The following MYOM1 variants were observed in gnomAD, a reference collection of about 807,000 sequenced individuals.
MYOM1 encodes myomesin-1.
Under a neutral mutation model 205.3 loss-of-function variants are expected in MYOM1, and 164 were observed. The ratio of observed to expected loss-of-function variants is 0.80; its 90% CI spans 0.70 to 0.91. The LOEUF (loss-of-function observed/expected upper bound fraction) is 0.91. Ranked by LOEUF, MYOM1 falls within the 40% of genes least tolerant of loss-of-function variation. The pLI, the probability that MYOM1 is intolerant of heterozygous loss-of-function variation, is 0.00. For synonymous variants in MYOM1, 772 were observed against 789.4 expected (o/e 0.98, Z 0.37); for missense variants, 2,011 against 2,127.3 (o/e 0.95, Z 1.08).
At chr18:3,150,248 G>C (rs1054306295) in intron 12 of MYOM1, among the ~76,000 whole-genome samples, 1 of 152,118 alleles carries the variant, frequency 6.6e-6, no homozygotes, top group Non-Finnish European at 1.5e-5. Flanking sequence ...TTTTAGTAGA[G>C]ACGGGGTTTC....
chr18:3,246,196 TGGCAG>T, the MYOM1 span: 1 of 152,216 alleles, frequency 6.6e-6, no homozygotes, highest in Non-Finnish European at 1.5e-5. Context: ...GCTCTCGTGG[TGGCAG>T]GCCACCACCC....
At position 3,100,307 on chromosome 18, in the gene MYOM1, A is replaced by G; in HGVS notation, c.3682+13T>C. The G allele has an allele frequency of 1.9e-6, 3 of 1,613,216 alleles. No individual in the cohort carries two copies. The highest frequency in any genetic ancestry group is 2.5e-6 in the Non-Finnish European group (3 of 1,179,208). On this transcript the variant is annotated intron_variant, in intron 24 of 37. Transcript: ENST00000356443. ...CAACATTCGATGTGTGAATGCACTGATTTTAAACTTACCTTCCTCATCTAT... is the reference window on the plus strand; with the variant it reads ...CAACATTCGATGTGTGAATGCACTGGTTTTAAACTTACCTTCCTCATCTAT...
intron 2 of MYOM1, among the ~76,000 whole-genome samples, chr18:3,214,721 G>A (rs1440189122): frequency 5.9e-5 from 9 of 152,244 alleles, no homozygotes; most frequent in African/African-American, 2.2e-4. Context: ...TACTCGGGAG[G>A]CGGAGGCAGG....
intron 5 of MYOM1, among the ~76,000 whole-genome samples, chr18:3,177,480 T>TTATTAC (rs1418303401): frequency 7.7e-6 from 1 of 129,844 alleles, no homozygotes; most frequent in Non-Finnish European, 1.7e-5. Flanking sequence ...ATTATTATTA[T>TTATTAC]TATTATTTGA....
Position 3,116,380 on chromosome 18 carries a change from T to G in MYOM1, c.3254A>C (p.Asp1085Ala). Residue 1085 changes from aspartate (D) to alanine (A), a missense_variant, in exon 21 of 38, where the codon GAC becomes GCC. By Grantham distance (126) the Asp-to-Ala change is moderately radical. Coordinates refer to ENST00000356443, the MANE Select transcript of MYOM1 (RefSeq NM_003803.4). Reference protein sequence around the residue: ...VDLKEAKAKEDQWRGLNEAAI... With the variant: ...VDLKEAKAKEAQWRGLNEAAI... ...CGCCTCATTGAGCCCTCGCCACTGG[T>G]CTTCTTTGGCCTTGGCCTCCTTCAA... 6.2e-7 allele frequency: 1 copy of G among 1,613,310 alleles called. No individual in the cohort carries two copies. Among genetic ancestry groups the G allele is most frequent in the Non-Finnish European group, 8.5e-7 (1 of 1,179,810 alleles).
chr18:3,102,473 C>T lies in MYOM1; in HGVS notation c.3575+1G>A, dbSNP rs1196995922. ...ATGATTGTGATTGACATAGTCCTTA[C>T]TTGTTGCCCTTGCTTTCGACTTCCA... On this transcript the variant is annotated splice_donor_variant, in intron 23 of 37. Transcript: ENST00000356443. LOFTEE classifies it high-confidence loss of function. 6.2e-7 allele frequency: 1 copy of T among 1,609,994 alleles called. No individual in the cohort carries two copies. The highest frequency in any genetic ancestry group is 8.5e-7 in the Non-Finnish European group (1 of 1,177,858).
intron 2 of MYOM1, among the ~76,000 whole-genome samples, chr18:3,201,651 C>CTT (rs1196638648): frequency 1.4e-5 from 2 of 141,674 alleles, no homozygotes; most frequent in African/African-American, 2.6e-5. Context: ...CTATTAAATT[C>CTT]TTTTTTTTTT....
intron 16 of MYOM1, among the ~76,000 whole-genome samples, chr18:3,134,258 G>C (rs1378454685): frequency 6.6e-6 from 1 of 152,080 alleles, no homozygotes; most frequent in Admixed American, 6.6e-5. Flanking sequence ...TACAGGCCTG[G>C]TCATTGTATC....
At position 3,200,718 on chromosome 18, in the gene MYOM1, A is replaced by C. The variant is rs909151072; in HGVS notation, c.291-6760T>G. Among the ~76,000 whole-genome samples, 5 of 152,162 alleles carry C rather than the reference A, an allele frequency of 3.3e-5. 1 individual carries two copies. The highest frequency in any genetic ancestry group is 1.2e-4 in the African/African-American group (5 of 41,456). ...GATAAAAGAATAAAGAAAAATTAAA[A>C]GAGCCTCAGAAACGTGTGAGACAAT... On this transcript the variant is annotated intron_variant, in intron 2 of 37. Transcript: ENST00000356443.
chr18:3,072,697 TG>T (rs2078974956), intron 36 of MYOM1, among the ~76,000 whole-genome samples: 2 of 151,380 alleles, frequency 1.3e-5, no homozygotes, highest in Non-Finnish European at 2.9e-5. Context: ...ATTGTGTGTG[TG>T]TGGGGGGCGG....
At chr18:3,226,566 C>T in the MYOM1 span, among the ~76,000 whole-genome samples, 6 of 152,178 alleles carry the variant, frequency 3.9e-5, no homozygotes, top group East Asian at 7.7e-4. The surrounding 1 kb of genome is among the most constrained non-coding windows in gnomAD (Gnocchi z 4.6). Flanking sequence ...CACGCGCACA[C>T]TTCCTCACTT....
At chr18:3,113,223 C>A (rs1405126932) in intron 21 of MYOM1, among the ~76,000 whole-genome samples, 2 of 148,712 alleles carry the variant, frequency 1.3e-5, no homozygotes, top group African/African-American at 5.0e-5. Context: ...TATATATACA[C>A]ACATGTATAT....
intron 19 of MYOM1, among the ~76,000 whole-genome samples, chr18:3,121,982 G>C (rs2079698982): frequency 6.6e-6 from 1 of 152,144 alleles, no homozygotes; most frequent in South Asian, 2.1e-4. Flanking sequence ...AGCCAGGCGT[G>C]GTGGCACATG....
At chr18:3,238,687 C>A in the MYOM1 span, among the ~76,000 whole-genome samples, 5 of 152,134 alleles carry the variant, frequency 3.3e-5, no homozygotes, top group Non-Finnish European at 7.4e-5. Flanking sequence ...ATCTTACAAT[C>A]TTGTAGGTTG....
chr18:3,193,077 TG>T (rs1308327928), intron 3 of MYOM1, among the ~76,000 whole-genome samples: 2 of 151,918 alleles, frequency 1.3e-5, no homozygotes, highest in African/African-American at 4.8e-5. Context: ...AAGACCAACC[TG>T]GGCGATATAG....
At chr18:3,090,538 AT>A (rs2079211349) in intron 27 of MYOM1, 119 bp downstream of exon 27, 1 of 1,325,886 alleles carries the variant, frequency 7.5e-7, no homozygotes, top group Admixed American at 2.1e-5. Flanking sequence ...TATTTTGAAC[AT>A]TAGAAGTCAA....
At chr18:3,111,570 G>GT (rs2079527593) in intron 22 of MYOM1, among the ~76,000 whole-genome samples, 1 of 151,926 alleles carries the variant, frequency 6.6e-6, no homozygotes, top group Non-Finnish European at 1.5e-5. Context: ...AGCTAAGAAT[G>GT]GTTTTTATAT....
At chr18:3,133,394 A>C (rs1335212234) in intron 16 of MYOM1, among the ~76,000 whole-genome samples, 1 of 152,160 alleles carries the variant, frequency 6.6e-6, no homozygotes, top group Non-Finnish European at 1.5e-5. Context: ...CTGGGTGCAG[A>C]TCAGAATTCA....
Position 3,189,314 on chromosome 18 carries a change from C to T in MYOM1, c.432-227G>A, listed in dbSNP as rs1238453678. Reference sequence around the variant, plus strand: ...CACCTATGATGGCCCTGGTGCTTTTCACATACACTATCTTGTTTCATCCCC... The same window carrying T: ...CACCTATGATGGCCCTGGTGCTTTTTACATACACTATCTTGTTTCATCCCC... On this transcript the variant is annotated intron_variant, in intron 3 of 37. Coordinates refer to ENST00000356443, the MANE Select transcript of MYOM1 (RefSeq NM_003803.4). The surrounding 1 kb of genome is among the most constrained non-coding windows in gnomAD (Gnocchi z 4.8). Among the ~76,000 whole-genome samples, 2 of 151,936 alleles carry T rather than the reference C, an allele frequency of 1.3e-5. No homozygotes were observed. The highest frequency in any genetic ancestry group is 4.8e-5 in the African/African-American group (2 of 41,376).
Sources: allele counts gnomAD v4.1 joint callset (sites outside exome capture counted in the v4.1 genomes callset), GRCh38; gene constraint gnomAD v4.1.1; non-coding constraint Gnocchi (gnomAD v3.1); transcripts MANE v1.5; gene names NCBI Gene and HGNC (gene_info 2026-07-23, HGNC 2026-07-21).